Variants in KIRREL3 observed in about 807,000 individuals in gnomAD.
The protein encoded by KIRREL3 is kirre like nephrin family adhesion molecule 3, also known as kin of IRRE-like protein 3.
In KIRREL3, 36 loss-of-function variants were observed where a neutral mutation model predicts 89.7. The observed-to-expected ratio is 0.40, with a 90% confidence interval of 0.31 to 0.53. KIRREL3 has a LOEUF of 0.53. Ranked by LOEUF, KIRREL3 falls within the 20% of genes least tolerant of loss-of-function variation. The pLI is 0.49. For synonymous variants in KIRREL3, 445 were observed against 441.4 expected (o/e 1.01, Z -0.10); for missense variants, 864 against 1,056.6 (o/e 0.82, Z 2.53).
At chr11:126,774,424 C>T (rs1360659733) in intron 1 of KIRREL3, among the ~76,000 whole-genome samples, 7 of 152,100 alleles carry the variant, frequency 4.6e-5, no homozygotes, top group African/African-American at 1.2e-4. Flanking sequence ...ACTTTGTTCT[C>T]AGATAAACAA....
intron 1 of KIRREL3, among the ~76,000 whole-genome samples, chr11:126,692,328 T>C (rs1369317563): frequency 6.6e-6 from 1 of 151,896 alleles, no homozygotes; most frequent in Non-Finnish European, 1.5e-5. Flanking sequence ...GAAGATCACT[T>C]GAGGTCAGGA....
At chr11:126,894,570 A>AAAAG (rs1946069240) in intron 1 of KIRREL3, among the ~76,000 whole-genome samples, 1 of 141,480 alleles carries the variant, frequency 7.1e-6, no homozygotes, top group East Asian at 2.1e-4. Flanking sequence ...AAAAAAAAAA[A>AAAAG]GGAAAAGAAA....
chr11:126,524,428 G>T (rs1438163506), intron 3 of KIRREL3, among the ~76,000 whole-genome samples: 1 of 152,138 alleles, frequency 6.6e-6, no homozygotes, highest in Non-Finnish European at 1.5e-5. Context: ...TGCTGGGATT[G>T]GTTATATAGT....
rs954755388 is a variant in KIRREL3 at position 126,872,489 on chromosome 11, C to T, written c.55+127966G>A. ...AAAGTTGCAAACTGATTTCTTTCAC[C>T]ATCATCTCCCCATTGGATTATTTCC... On this transcript the variant is annotated intron_variant, in intron 1 of 16. Transcript: ENST00000525144. The surrounding 1 kb of genome is among the most constrained non-coding windows in gnomAD (Gnocchi z 4.2). Among the ~76,000 whole-genome samples, 2 of 152,214 alleles carry T rather than the reference C, an allele frequency of 1.3e-5. No homozygotes were observed. Among genetic ancestry groups the T allele is most frequent in the African/African-American group, 4.8e-5 (2 of 41,462 alleles).
intron 1 of KIRREL3, among the ~76,000 whole-genome samples, chr11:126,648,065 T>C (rs1414091587): frequency 2.0e-5 from 3 of 152,170 alleles, no homozygotes; most frequent in African/African-American, 7.2e-5. Flanking sequence ...GCTGTTCTTG[T>C]GATGGTGAGT....
Position 126,772,898 on chromosome 11 carries a change from C to T in KIRREL3, c.56-209986G>A, listed in dbSNP as rs1950061561. Among the ~76,000 whole-genome samples, 1 of 152,198 alleles carries T rather than the reference C, an allele frequency of 6.6e-6. No homozygotes were observed. Among genetic ancestry groups the T allele is most frequent in the African/African-American group, 2.4e-5 (1 of 41,460 alleles). ...CAGAAACCTGCTTGGCCAACAATCT[C>T]CCCAGTGATTCTTACGGACATCAGG... On this transcript the variant is annotated intron_variant, in intron 1 of 16. Coordinates refer to ENST00000525144, the MANE Select transcript of KIRREL3 (RefSeq NM_032531.4). The surrounding 1 kb of genome is among the most constrained non-coding windows in gnomAD (Gnocchi z 4.6).
chr11:126,585,529 C>T (rs1226962079), intron 1 of KIRREL3, among the ~76,000 whole-genome samples: 28 of 152,190 alleles, frequency 1.8e-4, no homozygotes, highest in Admixed American at 1.8e-3. Context: ...CCACCGCGCC[C>T]GGCCAGGAAT....
chr11:126,981,205 C>A lies in KIRREL3; in HGVS notation c.55+19250G>T, dbSNP rs544647474. Among the ~76,000 whole-genome samples, 7 of 152,282 alleles carry A rather than the reference C, an allele frequency of 4.6e-5. No individual in the cohort carries two copies. In the East Asian group the frequency reaches 1.2e-3, roughly 25 times the overall value. The stretch of plus-strand genomic sequence containing the variant: ...TTTAGACAAAAGAAGGAAAGCATGG[C>A]CCGTTGGACCACAGCAAGACCTTCT... On this transcript the variant is annotated intron_variant, in intron 1 of 16. Transcript: ENST00000525144. This position sits in a 1 kb window ranked among gnomAD's most constrained non-coding sequence, Gnocchi z 4.2.
At position 126,855,882 on chromosome 11, in the gene KIRREL3, G is replaced by T. The variant is rs183633337; in HGVS notation, c.55+144573C>A. Among the ~76,000 whole-genome samples, 5 of 152,322 alleles carry T rather than the reference G, an allele frequency of 3.3e-5. No homozygotes were observed. The East Asian group carries it at 9.7e-4, about 29-fold the overall frequency. On this transcript the variant is annotated intron_variant, in intron 1 of 16. Coordinates refer to ENST00000525144, the MANE Select transcript of KIRREL3 (RefSeq NM_032531.4). ...GGTTTCTCTGGACCTGGTCTAGGCT[G>T]TGGGCAGGCAGGAGGGGACAGGGCC... is the stretch of plus-strand genomic sequence containing the variant.
rs937719296 is a variant in KIRREL3 at position 126,917,598 on chromosome 11, G to A, written c.55+82857C>T. Among the ~76,000 whole-genome samples, 1 of 152,138 alleles carries A rather than the reference G, an allele frequency of 6.6e-6. No homozygotes were observed. The highest frequency in any genetic ancestry group is 2.4e-5 in the African/African-American group (1 of 41,418). On this transcript the variant is annotated intron_variant, in intron 1 of 16. Transcript: ENST00000525144. The surrounding 1 kb of genome is among the most constrained non-coding windows in gnomAD (Gnocchi z 5.0). ...AGCACTGCTCAGTTGTAGGCTGTGT[G>A]GGGAGTGAGTAATGATCACCTGGTG... is the stretch of plus-strand genomic sequence containing the variant.
In KIRREL3 at chr11:126,983,157, A is replaced by G. The variant is rs1269315340; in HGVS notation, c.55+17298T>C. On this transcript the variant is annotated intron_variant, in intron 1 of 16. Transcript: ENST00000525144. The surrounding 1 kb of genome is among the most constrained non-coding windows in gnomAD (Gnocchi z 4.9). ...TGGGGAAGGTCATTTTTTCTAACTTATAAGTAGTGAGGCTACTTGTAGGTA... is the reference window on the plus strand; with the variant it reads ...TGGGGAAGGTCATTTTTTCTAACTTGTAAGTAGTGAGGCTACTTGTAGGTA... Among the ~76,000 whole-genome samples the G allele has an allele frequency of 6.6e-6, 1 of 152,188 alleles. No individual in the cohort carries two copies. The highest frequency in any genetic ancestry group is 2.4e-5 in the African/African-American group (1 of 41,446).
In KIRREL3 at chr11:126,954,840, C is replaced by G. The variant is rs1948877091; in HGVS notation, c.55+45615G>C. ...AGAAATTTATCTCCTGGAGTGTTCACCTATCATCATACGGCAAGCAGCAGC... is the reference window on the plus strand; with the variant it reads ...AGAAATTTATCTCCTGGAGTGTTCAGCTATCATCATACGGCAAGCAGCAGC... On this transcript the variant is annotated intron_variant, in intron 1 of 16. Transcript: ENST00000525144. This position sits in a 1 kb window ranked among gnomAD's most constrained non-coding sequence, Gnocchi z 4.1. Among the ~76,000 whole-genome samples, 1 of 152,168 alleles carries G rather than the reference C, an allele frequency of 6.6e-6. No homozygotes were observed.
At chr11:126,572,437 A>G (rs189637608) in intron 1 of KIRREL3, among the ~76,000 whole-genome samples, 1 of 152,374 alleles carries the variant, frequency 6.6e-6, no homozygotes. Context: ...CAACTGGGAA[A>G]TGGACGACCC....
intron 4 of KIRREL3, among the ~76,000 whole-genome samples, chr11:126,517,176 G>C (rs986393834): frequency 2.0e-5 from 3 of 151,510 alleles, no homozygotes; most frequent in African/African-American, 7.3e-5. Flanking sequence ...GAGAGACAGA[G>C]TGTTTAATGT....
rs945920224 is a variant in KIRREL3 at position 126,694,514 on chromosome 11, C to T, written c.56-131602G>A. 2.0e-5 allele frequency among the ~76,000 whole-genome samples: 3 copies of T among 152,130 alleles called. No individual in the cohort carries two copies. The highest frequency in any genetic ancestry group is 2.0e-4 in the Admixed American group (3 of 15,268). The stretch of plus-strand genomic sequence containing the variant: ...GAATGATTGCTCAGGCCTCCATCAG[C>T]TCCAGGCGGGTGTGGGGAATGCTGT... On this transcript the variant is annotated intron_variant, in intron 1 of 16. Transcript: ENST00000525144. The surrounding 1 kb of genome is among the most constrained non-coding windows in gnomAD (Gnocchi z 4.4).
At chr11:126,497,203 AGTGTGAGT>A (rs1340870579) in intron 4 of KIRREL3, among the ~76,000 whole-genome samples, 2 of 35,644 alleles carry the variant, frequency 5.6e-5, no homozygotes, top group African/African-American at 2.2e-4. Context: ...AGTGTGTGTG[AGTGTGAGT>A]GTGTGAGAGT....
In KIRREL3 at chr11:126,571,377, A is replaced by G. The variant is rs1591757630; in HGVS notation, c.56-8465T>C. On this transcript the variant is annotated intron_variant, in intron 1 of 16. Coordinates refer to ENST00000525144, the MANE Select transcript of KIRREL3 (RefSeq NM_032531.4). The surrounding 1 kb of genome is among the most constrained non-coding windows in gnomAD (Gnocchi z 7.7). The stretch of plus-strand genomic sequence containing the variant: ...CAGAGCTCACCCCACTCCTCTGTAC[A>G]CTGAAAGTGGGACACTGGTTACTAT... 6.6e-6 allele frequency among the ~76,000 whole-genome samples: 1 copy of G among 152,230 alleles called. No homozygotes were observed. Among genetic ancestry groups the G allele is most frequent in the African/African-American group, 2.4e-5 (1 of 41,558 alleles).
Position 126,989,495 on chromosome 11 carries a change from C to G in KIRREL3, c.55+10960G>C, listed in dbSNP as rs1000597118. ...ATGAAAGGCCAAAGGTAACATAAAC[C>G]GCCAGCTCTACCAACCACTCAGGCT... is the stretch of plus-strand genomic sequence containing the variant. On this transcript the variant is annotated intron_variant, in intron 1 of 16. Coordinates refer to ENST00000525144, the MANE Select transcript of KIRREL3 (RefSeq NM_032531.4). The surrounding 1 kb of genome is among the most constrained non-coding windows in gnomAD (Gnocchi z 6.2). Among the ~76,000 whole-genome samples the G allele has an allele frequency of 6.6e-6, 1 of 152,128 alleles. No homozygotes were observed. The highest frequency in any genetic ancestry group is 1.5e-5 in the Non-Finnish European group (1 of 68,030).
Position 126,872,467 on chromosome 11 carries a change from G to A in KIRREL3, c.55+127988C>T, listed in dbSNP as rs1212166756. Among the ~76,000 whole-genome samples the A allele has an allele frequency of 6.6e-6, 1 of 152,200 alleles. No homozygotes were observed. The highest frequency in any genetic ancestry group is 2.4e-5 in the African/African-American group (1 of 41,458). On this transcript the variant is annotated intron_variant, in intron 1 of 16. Transcript: ENST00000525144. The surrounding 1 kb of genome is among the most constrained non-coding windows in gnomAD (Gnocchi z 4.2). ...TGCTGTATGCTGCCACTTCAATAAA[G>A]TTGCAAACTGATTTCTTTCACCATC... is the stretch of plus-strand genomic sequence containing the variant.
Sources: gnomAD v4.1 joint callset for allele counts (sites outside exome capture counted in the v4.1 genomes callset) on GRCh38, gnomAD v4.1.1 for gene constraint, Gnocchi (gnomAD v3.1) non-coding constraint, MANE v1.5 for transcripts, NCBI Gene and HGNC (gene_info 2026-07-23, HGNC 2026-07-21) for gene names.